Variants in CDK19 observed in about 807,000 individuals in gnomAD.
CDK19 encodes cyclin dependent kinase 19, also known as cyclin-dependent kinase 19.
Under a neutral mutation model 68.3 loss-of-function variants are expected in CDK19, and 20 were observed. That is an observed-to-expected ratio of 0.29 (90% CI 0.21 to 0.43). The LOEUF (loss-of-function observed/expected upper bound fraction) is 0.43, where lower values mean the gene tolerates loss of function less well. Ranked by LOEUF, CDK19 falls within the 20% of genes least tolerant of loss-of-function variation. The pLI, the probability that CDK19 is intolerant of heterozygous loss-of-function variation, is 1.00. For missense variants in CDK19, 339 were observed against 623.5 expected (o/e 0.54, Z 4.86); for synonymous variants, 221 against 222.8 (o/e 0.99, Z 0.07).
At chr6:110,676,735 T>C (rs780241751) in intron 2 of CDK19, among the ~76,000 whole-genome samples, 3 of 152,228 alleles carry the variant, frequency 2.0e-5, no homozygotes, top group Non-Finnish European at 4.4e-5. Flanking sequence ...TTATACATAA[T>C]GCTACTGGAC....
In CDK19 at chr6:110,750,061, C is replaced by A. The variant is rs758865885; in HGVS notation, c.129-3860G>T. On this transcript the variant is annotated intron_variant, in intron 1 of 12. Transcript: ENST00000368911. ...CTGGGATTATAGGCGTGAGCCACTG[C>A]GCCCAGCCAAATGATCACACCATTA... Among the ~76,000 whole-genome samples, 6 of 145,818 alleles carry A rather than the reference C, an allele frequency of 4.1e-5. 3 individuals are homozygous for A. The highest frequency in any genetic ancestry group is 1.5e-4 in the African/African-American group (6 of 40,082).
rs371273030 is a variant in CDK19, at chr6:110,622,074, C to G, written c.1110+14G>C. The G allele has an allele frequency of 2.6e-6, 4 of 1,537,438 alleles. No homozygotes were observed. The South Asian group carries it at 4.8e-5, about 18-fold the overall frequency. ...TTGCTCTTTGGAAGTGAAAGTATAC[C>G]GTGCAGTTTATACCTTGTCACCTTT... is the stretch of plus-strand genomic sequence containing the variant. On this transcript the variant is annotated intron_variant, in intron 11 of 12. Transcript: ENST00000368911.
At chr6:110,790,181 T>C (rs902976348) in intron 1 of CDK19, among the ~76,000 whole-genome samples, 1 of 152,236 alleles carries the variant, frequency 6.6e-6, no homozygotes, top group African/African-American at 2.4e-5. Context: ...TAAACGCTTA[T>C]GTTGTATTTA....
intron 1 of CDK19, among the ~76,000 whole-genome samples, chr6:110,799,904 T>G (rs976824458): frequency 3.2e-4 from 49 of 152,136 alleles, no homozygotes; most frequent in African/African-American, 1.2e-3. Flanking sequence ...CACCTGACCT[T>G]GAATATTTTC....
intron 5 of CDK19, 70 bp from the exon 6 acceptor site, chr6:110,632,231 T>C (rs1425199035): frequency 5.4e-6 from 7 of 1,288,686 alleles, no homozygotes; most frequent in African/African-American, 1.5e-5. Context: ...TAAGATCAAG[T>C]GTAAAATTCA....
intron 4 of CDK19, among the ~76,000 whole-genome samples, chr6:110,666,360 G>C (rs998320279): frequency 1.8e-4 from 26 of 145,836 alleles, no homozygotes; most frequent in Non-Finnish European, 3.3e-4. Context: ...AGGAGGCGGA[G>C]GTTGCAGTGA....
intron 1 of CDK19, among the ~76,000 whole-genome samples, chr6:110,799,604 A>G (rs1021438692): frequency 1.3e-5 from 2 of 148,900 alleles, no homozygotes; most frequent in South Asian, 4.2e-4. Flanking sequence ...GTTTTTTCTA[A>G]TTTTTTTTTT....
intron 1 of CDK19, among the ~76,000 whole-genome samples, chr6:110,784,124 A>C (rs1265783230): frequency 7.1e-6 from 1 of 140,952 alleles, no homozygotes; most frequent in African/African-American, 2.7e-5. Flanking sequence ...ACACCACTGC[A>C]TTCCAGCTTG....
intron 1 of CDK19, 30 bp downstream of exon 1, chr6:110,814,979 C>T: frequency 6.3e-7 from 1 of 1,597,664 alleles, no homozygotes; most frequent in Non-Finnish European, 8.5e-7. Context: ...AGGACCCGAG[C>T]GAGCCTACTC....
At chr6:110,812,124 C>CTTT (rs72281030) in intron 1 of CDK19, among the ~76,000 whole-genome samples, 1 of 145,438 alleles carries the variant, frequency 6.9e-6, no homozygotes, top group African/African-American at 2.5e-5. Flanking sequence ...GAACAAATAA[C>CTTT]TTTTTTTTTT....
At chr6:110,716,516 T>G (rs1435915545) in intron 2 of CDK19, among the ~76,000 whole-genome samples, 1 of 152,170 alleles carries the variant, frequency 6.6e-6, no homozygotes, top group Non-Finnish European at 1.5e-5. Flanking sequence ...AACCACACTT[T>G]GAAAACCACT....
intron 2 of CDK19, among the ~76,000 whole-genome samples, chr6:110,712,454 T>C (rs1479420916): frequency 1.3e-5 from 2 of 152,228 alleles, no homozygotes; most frequent in African/African-American, 4.8e-5. Context: ...CATTAAATAA[T>C]GTTTGATCTT....
intron 1 of CDK19, among the ~76,000 whole-genome samples, chr6:110,785,314 G>A (rs999091471): frequency 1.3e-5 from 2 of 152,004 alleles, no homozygotes; most frequent in Non-Finnish European, 2.9e-5. Context: ...CCCACACACA[G>A]TCAAAAACCC....
intron 1 of CDK19, among the ~76,000 whole-genome samples, chr6:110,795,530 G>A (rs1170873768): frequency 6.6e-6 from 1 of 152,224 alleles, no homozygotes; most frequent in Non-Finnish European, 1.5e-5. Flanking sequence ...AGCCACTGAG[G>A]TTGAGATGAG....
At chr6:110,658,153 A>G (rs1781417700) in intron 4 of CDK19, among the ~76,000 whole-genome samples, 2 of 152,146 alleles carry the variant, frequency 1.3e-5, no homozygotes, top group Non-Finnish European at 2.9e-5. Flanking sequence ...GCAAGACAGG[A>G]GCATGGATGG....
intron 1 of CDK19, chr6:110,813,811 G>A (rs1055205807): frequency 6.6e-5 from 10 of 152,222 alleles, no homozygotes; most frequent in African/African-American, 1.9e-4. Flanking sequence ...CACGCACAAA[G>A]ATAAGCGGCA....
intron 2 of CDK19, among the ~76,000 whole-genome samples, chr6:110,724,408 T>C (rs868101698): frequency 2.0e-5 from 3 of 152,224 alleles, no homozygotes; most frequent in Middle Eastern, 6.8e-3. Flanking sequence ...GGAGTATGAC[T>C]GACCGCACTG....
At chr6:110,620,012 T>C (rs191755565) in intron 12 of CDK19, among the ~76,000 whole-genome samples, 2 of 152,208 alleles carry the variant, frequency 1.3e-5, no homozygotes, top group Admixed American at 1.3e-4. Context: ...ACAGATTTTA[T>C]AACAAAATTC....
chr6:110,714,726 T>TC lies in CDK19; in HGVS notation c.204+31399_204+31400insG, dbSNP rs147582088. ...TTCTTTGGAAAAATGTCTTTTCTTTTTTTTTTTTTTTTTTTTTAATTTTTT... is the reference window on the plus strand; with the variant it reads ...TTCTTTGGAAAAATGTCTTTTCTTTTCTTTTTTTTTTTTTTTTTAATTTTTT... On this transcript the variant is annotated intron_variant, in intron 2 of 12. Transcript: ENST00000368911. 3.7e-4 allele frequency among the ~76,000 whole-genome samples: 9 copies of TC among 24,454 alleles called. No individual in the cohort carries two copies. In the South Asian group the frequency reaches 6.9e-3, roughly 19 times the overall value. The allele number at this position is 24,454 out of a possible 152,430, so 16.0% of individuals were successfully genotyped here.
Sources: allele counts gnomAD v4.1 joint callset (sites outside exome capture counted in the v4.1 genomes callset), GRCh38; gene constraint gnomAD v4.1.1; transcripts MANE v1.5; gene names NCBI Gene and HGNC (gene_info 2026-07-23, HGNC 2026-07-21).